NRG3: variants seen among roughly 807,000 people sequenced by gnomAD.
The protein encoded by NRG3 is neuregulin 3.
In NRG3, 31 loss-of-function variants were observed where a neutral mutation model predicts 66.9. That is an observed-to-expected ratio of 0.46 (90% CI 0.35 to 0.63). NRG3 has a LOEUF of 0.63. Ranked by LOEUF, NRG3 falls within the 20% of genes least tolerant of loss-of-function variation. NRG3 has a pLI of 0.00. For synonymous variants in NRG3, 393 were observed against 359.4 expected (o/e 1.09, Z -1.06); for missense variants, 910 against 878.9 (o/e 1.04, Z -0.45).
At chr10:82,788,582 A>T (rs1029036227) in intron 3 of NRG3, among the ~76,000 whole-genome samples, 2 of 152,164 alleles carry the variant, frequency 1.3e-5, no homozygotes, top group African/African-American at 4.8e-5. Context: ...AAAAATTAAA[A>T]AATGAAGAAA....
chr10:82,465,865 T>C (rs1840622564), intron 2 of NRG3, among the ~76,000 whole-genome samples: 1 of 152,204 alleles, frequency 6.6e-6, no homozygotes, highest in Admixed American at 6.5e-5. Flanking sequence ...GTAAGAGTCA[T>C]GAAGTTTGGA....
intron 4 of NRG3, among the ~76,000 whole-genome samples, chr10:82,907,067 T>C (rs1372645727): frequency 6.6e-6 from 1 of 152,172 alleles, no homozygotes; most frequent in Admixed American, 6.5e-5. Context: ...AGTCCTATTA[T>C]TCTCAGTTGC....
intron 3 of NRG3, among the ~76,000 whole-genome samples, chr10:82,782,127 TA>T (rs2135284290): frequency 6.6e-6 from 1 of 152,310 alleles, no homozygotes; most frequent in South Asian, 2.1e-4. Flanking sequence ...GGTTTGAATT[TA>T]TCCCCAAAAT....
chr10:82,177,507 G>A (rs573027287), intron 1 of NRG3, among the ~76,000 whole-genome samples: 18 of 152,208 alleles, frequency 1.2e-4, no homozygotes, highest in Non-Finnish European at 1.8e-4. Flanking sequence ...TTTTATGTGC[G>A]TATTACTTAG....
At chr10:82,140,361 T>C (rs1172810986) in intron 1 of NRG3, among the ~76,000 whole-genome samples, 1 of 152,220 alleles carries the variant, frequency 6.6e-6, no homozygotes, top group African/African-American at 2.4e-5. Flanking sequence ...TGTTTAACAG[T>C]GGCTTCTTGA....
Position 82,978,930 on chromosome 10 carries a change from T to C in NRG3, c.1413-20T>C, listed in dbSNP as rs1204500285. On this transcript the variant is annotated intron_variant, in intron 7 of 8. Transcript: ENST00000372141. ...TGTCTTTTGTTTGTTTGTTTGTCTG[T>C]TTTCATTCCACCCCAGCAGGAGTCT... is the stretch of plus-strand genomic sequence containing the variant. The C allele has an allele frequency of 1.2e-6, 2 of 1,610,274 alleles. No homozygotes were observed. Among genetic ancestry groups the C allele is most frequent in the Admixed American group, 3.3e-5 (2 of 59,706 alleles).
At chr10:82,322,649 A>G (rs2081637947) in intron 1 of NRG3, among the ~76,000 whole-genome samples, 1 of 152,154 alleles carries the variant, frequency 6.6e-6, no homozygotes, top group South Asian at 2.1e-4. Context: ...TACAAATTCA[A>G]TGCATACAGG....
At chr10:82,863,468 T>C (rs555439600) in intron 3 of NRG3, among the ~76,000 whole-genome samples, 1 of 152,288 alleles carries the variant, frequency 6.6e-6, no homozygotes, top group Admixed American at 6.5e-5. Flanking sequence ...CTAATTACAC[T>C]CCCAACAACA....
chr10:82,796,622 A>G (rs2060813080), intron 3 of NRG3, among the ~76,000 whole-genome samples: 1 of 152,198 alleles, frequency 6.6e-6, no homozygotes, highest in Admixed American at 6.5e-5. Context: ...CAAAAGCAGC[A>G]TTACCACAGT....
intron 1 of NRG3, among the ~76,000 whole-genome samples, chr10:81,948,033 G>A (rs1589560409): frequency 6.6e-6 from 1 of 152,108 alleles, no homozygotes. Flanking sequence ...CTTGTCTGAA[G>A]GTTGCTTATT....
intron 2 of NRG3, among the ~76,000 whole-genome samples, chr10:82,360,220 T>C (rs990409459): frequency 6.6e-6 from 1 of 152,188 alleles, no homozygotes; most frequent in Non-Finnish European, 1.5e-5. Context: ...TCCTCTCTCA[T>C]ATTTATTGTG....
chr10:82,563,163 T>G (rs1157763211), intron 2 of NRG3, among the ~76,000 whole-genome samples: 1 of 152,146 alleles, frequency 6.6e-6, no homozygotes, highest in Non-Finnish European at 1.5e-5. Context: ...TTTTAAAACT[T>G]TGATGAGATT....
intron 2 of NRG3, among the ~76,000 whole-genome samples, chr10:82,647,893 T>C (rs910872846): frequency 5.4e-5 from 8 of 148,658 alleles, no homozygotes; most frequent in Non-Finnish European, 8.9e-5. Flanking sequence ...CATTGTAGAT[T>C]CTGGATATTA....
At chr10:82,620,343 C>T (rs918226498) in intron 2 of NRG3, among the ~76,000 whole-genome samples, 6 of 152,080 alleles carry the variant, frequency 3.9e-5, no homozygotes, top group Non-Finnish European at 8.8e-5. Flanking sequence ...GTTGCACGGA[C>T]ACTTGAAGGA....
intron 1 of NRG3, among the ~76,000 whole-genome samples, chr10:82,006,200 G>A (rs552062264): frequency 1.3e-5 from 2 of 152,152 alleles, no homozygotes; most frequent in East Asian, 1.9e-4. Context: ...CTGATTATTA[G>A]TGAGATTATT....
intron 1 of NRG3, among the ~76,000 whole-genome samples, chr10:81,927,811 G>A (rs547627871): frequency 6.6e-6 from 1 of 152,132 alleles, no homozygotes; most frequent in Admixed American, 6.5e-5. Flanking sequence ...AAGCCAGGAT[G>A]CGAAGAGGGG....
intron 2 of NRG3, among the ~76,000 whole-genome samples, chr10:82,414,086 T>C (rs368673763): frequency 6.6e-6 from 1 of 152,166 alleles, no homozygotes; most frequent in African/African-American, 2.4e-5. Context: ...CTTGGCTCAA[T>C]GTTTAGCACA....
intron 1 of NRG3, among the ~76,000 whole-genome samples, chr10:82,303,284 A>G (rs930333860): frequency 2.6e-5 from 4 of 152,030 alleles, no homozygotes; most frequent in African/African-American, 9.7e-5. Flanking sequence ...AAAATCTCAT[A>G]TATTTCCAGA....
At chr10:82,298,258 G>T (rs11193539) in intron 1 of NRG3, among the ~76,000 whole-genome samples, 24,504 of 149,628 alleles carry the variant, frequency 0.16, 4,542 homozygotes, top group African/African-American at 0.47. Context: ...ATGGAGGGAG[G>T]GAGGGAAGGA....
Sources: allele counts gnomAD v4.1 joint callset (sites outside exome capture counted in the v4.1 genomes callset), GRCh38; gene constraint gnomAD v4.1.1; transcripts MANE v1.5; gene names NCBI Gene and HGNC (gene_info 2026-07-23, HGNC 2026-07-21).